Variants in UCP1 observed in about 807,000 individuals in gnomAD.
The protein encoded by UCP1 is uncoupling protein 1, also known as mitochondrial brown fat uncoupling protein 1.
Under a neutral mutation model 26.2 loss-of-function variants are expected in UCP1, and 24 were observed. That is an observed-to-expected ratio of 0.92 (90% CI 0.66 to 1.29). UCP1 has a LOEUF of 1.29. UCP1 is among the 50% of genes most tolerant of loss of function. UCP1 has a pLI of 0.00. For synonymous variants in UCP1, 164 were observed against 156.8 expected (o/e 1.05, Z -0.34); for missense variants, 402 against 388.7 (o/e 1.03, Z -0.29).
At chr4:140,560,109 G>T (rs1735644413) in intron 5 of UCP1, 99 bp from the exon 6 acceptor site, 4 of 1,007,594 alleles carry the variant, frequency 4.0e-6, no homozygotes, top group Non-Finnish European at 6.0e-6. Context: ...CTGGAATGCA[G>T]TAGTGTAATC....
At chr4:140,566,873 A>T (rs1735810663) in intron 2 of UCP1, among the ~76,000 whole-genome samples, 1 of 152,206 alleles carries the variant, frequency 6.6e-6, no homozygotes, top group Non-Finnish European at 1.5e-5. Flanking sequence ...GAATCATATG[A>T]GAAGTGCAGA....
chr4:140,562,127 CAT>C lies in UCP1; in HGVS notation c.809+64_809+65del, dbSNP rs1472092008. The C allele has an allele frequency of 1.9e-6, 3 of 1,582,090 alleles. No homozygotes were observed. The East Asian group carries it at 6.7e-5, about 35-fold the overall frequency. ...TGTAAGCTAAATGTCGGTTGCTTGA[CAT>C]GAGAGTGTCCCAAAGCACACAGACA... On this transcript the variant is annotated intron_variant, in intron 5 of 5. Transcript: ENST00000262999.
At chr4:140,567,492 G>A (rs915863048) in intron 2 of UCP1, among the ~76,000 whole-genome samples, 34 of 152,158 alleles carry the variant, frequency 2.2e-4, no homozygotes, top group Admixed American at 1.3e-3. Context: ...AGAACTTTAA[G>A]TTAAACATTT....
In UCP1 at chr4:140,562,193, C is replaced by G; in HGVS notation, c.809G>C (p.Gly270Ala). 1 of 1,614,134 alleles carries G rather than the reference C, an allele frequency of 6.2e-7. No individual in the cohort carries two copies. The highest frequency in any genetic ancestry group is 8.5e-7 in the Non-Finnish European group (1 of 1,179,998). The change falls in exon 5 of 6, where the codon GGG (glycine) becomes GCG (alanine). Residue 270 changes from glycine to alanine, a missense_variant and splice_region_variant. Coordinates refer to ENST00000262999, the MANE Select transcript of UCP1 (RefSeq NM_021833.5). ...ACAGATACACAAGATCATATCTTAC[C>G]CCTTGAAGAAAGCCGTTGGTCCTTC... ...TNEGPTAFFK[G>A]LVPSFLRLGS...
At chr4:140,565,948 G>A (rs1735786032) in intron 2 of UCP1, among the ~76,000 whole-genome samples, 2 of 152,094 alleles carry the variant, frequency 1.3e-5, no homozygotes, top group African/African-American at 2.4e-5. Flanking sequence ...TAAGACTGTA[G>A]TGTAATGCAT....
intron 2 of UCP1, 35 bp from the exon 3 acceptor site, chr4:140,563,553 A>T: frequency 6.3e-7 from 1 of 1,589,902 alleles, no homozygotes; most frequent in Non-Finnish European, 8.6e-7. Flanking sequence ...TAAGAAAAAA[A>T]ATTAAAGACC....
At chr4:140,562,497 A>C in intron 4 of UCP1, 124 bp from the exon 5 acceptor site, 1 of 999,656 alleles carries the variant, frequency 1.0e-6, no homozygotes, top group Non-Finnish European at 1.5e-6. Flanking sequence ...TAAATAAATA[A>C]AATAAAATAA....
At chr4:140,568,547 A>G in intron 1 of UCP1, 57 bp downstream of exon 1, 2 of 1,610,702 alleles carry the variant, frequency 1.2e-6, no homozygotes, top group East Asian at 2.2e-5. Context: ...AATGGAATGC[A>G]CGCAACAGCG....
intron 3 of UCP1, 37 bp downstream of exon 3, chr4:140,563,281 C>A: frequency 6.2e-7 from 1 of 1,613,216 alleles, no homozygotes; most frequent in Non-Finnish European, 8.5e-7. Context: ...TATGTATGTG[C>A]TTTGGTGGTT....
intron 5 of UCP1, among the ~76,000 whole-genome samples, chr4:140,560,242 A>G (rs1348269758): frequency 6.6e-6 from 1 of 152,032 alleles, no homozygotes; most frequent in Non-Finnish European, 1.5e-5. Context: ...TGATTATAGC[A>G]GGTTATGCTT....
Position 140,563,209 on chromosome 4 carries a change from T to A in UCP1, c.529A>T (p.Thr177Ser), listed in dbSNP as rs577520173. ...TEGLTGLWKG[T>S]TPNLMRSVII... ...ACACTTCTCATCAGATTGGGAGTAG[T>A]CCCTGGGGAAAAAAAAAAAGAAAAT... is the stretch of plus-strand genomic sequence containing the variant. Residue 177 changes from threonine to serine, a missense_variant and splice_region_variant, in exon 4 of 6, where the codon ACT (threonine) becomes TCT (serine). Physicochemically the swap from Thr to Ser is moderately conservative, Grantham distance 58. Coordinates refer to ENST00000262999, the MANE Select transcript of UCP1 (RefSeq NM_021833.5). 6.2e-7 allele frequency: 1 copy of A among 1,612,310 alleles called. No individual in the cohort carries two copies. The highest frequency in any genetic ancestry group is 1.3e-5 in the African/African-American group (1 of 74,500).
At chr4:140,565,784 C>T (rs1351388903) in intron 2 of UCP1, among the ~76,000 whole-genome samples, 3 of 151,492 alleles carry the variant, frequency 2.0e-5, no homozygotes, top group African/African-American at 4.8e-5. Flanking sequence ...GAAAATCTCA[C>T]GGACCATACC....
At chr4:140,564,715 T>C (rs931468356) in intron 2 of UCP1, among the ~76,000 whole-genome samples, 15 of 152,176 alleles carry the variant, frequency 9.9e-5, no homozygotes, top group Admixed American at 5.2e-4. Context: ...TATCATATGA[T>C]TACAAATGCC....
At position 140,563,058 on chromosome 4, in the gene UCP1, A is replaced by G. The variant is rs1735712940; in HGVS notation, c.628+52T>C. On this transcript the variant is annotated intron_variant, in intron 4 of 5. Coordinates refer to ENST00000262999, the MANE Select transcript of UCP1 (RefSeq NM_021833.5). The stretch of plus-strand genomic sequence containing the variant: ...GTATAAGGTGGCTGCAGAAGCTCCA[A>G]GATGAACTTCTAAAGGTGCAGACCT... The G allele has an allele frequency of 1.3e-5, 18 of 1,415,794 alleles. 1 individual carries two copies. In the South Asian group the frequency reaches 2.1e-4, roughly 16 times the overall value. 87.7% of individuals were successfully genotyped at this position (1,415,794 alleles called of 1,614,324 possible).
intron 1 of UCP1, among the ~76,000 whole-genome samples, chr4:140,568,208 C>T (rs373376893): frequency 1.3e-5 from 2 of 151,620 alleles, no homozygotes; most frequent in Non-Finnish European, 2.9e-5. Flanking sequence ...TTTTGAATAT[C>T]CCCCTCCCCA....
chr4:140,562,473 A>G (rs1560843359), intron 4 of UCP1, 100 bp from the exon 5 acceptor site: 3 of 1,173,734 alleles, frequency 2.6e-6, no homozygotes, highest in East Asian at 2.5e-5. Context: ...CAGTAGGTCA[A>G]TGAAGATGTC....
intron 1 of UCP1, 78 bp downstream of exon 1, chr4:140,568,526 A>G: frequency 6.3e-7 from 1 of 1,598,802 alleles, no homozygotes; most frequent in Non-Finnish European, 8.5e-7. Flanking sequence ...GTTACACCAA[A>G]GCAGAGAATA....
At chr4:140,565,765 A>G (rs1735782615) in intron 2 of UCP1, among the ~76,000 whole-genome samples, 1 of 152,110 alleles carries the variant, frequency 6.6e-6, no homozygotes, top group African/African-American at 2.4e-5. Context: ...CCAGACGTTA[A>G]TTCTTCAGGA....
Position 140,559,860 on chromosome 4 carries a change from T to A in UCP1, c.*36A>T. ...GTTTTTATGATCCAGTCAGCAAGAT[T>A]CCCACTGGTATGTTACATCATTTTC... On this transcript the variant is annotated 3_prime_UTR_variant, in exon 6 of 6. Transcript: ENST00000262999. 6.6e-7 allele frequency: 1 copy of A among 1,504,710 alleles called. No individual in the cohort carries two copies. 93.2% of individuals were successfully genotyped at this position (1,504,710 alleles called of 1,614,324 possible).
Sources: gnomAD v4.1 joint callset for allele counts (sites outside exome capture counted in the v4.1 genomes callset) on GRCh38, gnomAD v4.1.1 for gene constraint, MANE v1.5 for transcripts, NCBI Gene and HGNC (gene_info 2026-07-23, HGNC 2026-07-21) for gene names.